Variants in USH2A observed in about 807,000 individuals in gnomAD.
USH2A encodes the protein usherin.
Under a neutral mutation model 538.9 loss-of-function variants are expected in USH2A, and 443 were observed. That is an observed-to-expected ratio of 0.82 (90% confidence interval 0.76 to 0.89). The LOEUF (loss-of-function observed/expected upper bound fraction) is 0.89, where lower values mean the gene tolerates loss of function less well. Among genes scored for constraint, USH2A ranks in the 40% least tolerant of loss-of-function variants. The pLI, the probability that USH2A is intolerant of heterozygous loss-of-function variation, is 0.00. For missense variants in USH2A, 6,633 were observed against 6,324.8 expected (o/e 1.05, Z -1.65); for synonymous variants, 2,413 against 2,273.5 (o/e 1.06, Z -1.75).
At chr1:215,741,642 C>A (rs1660308931) in intron 59 of USH2A, 105 bp from the exon 60 acceptor site, 1 of 1,247,804 alleles carries the variant, frequency 8.0e-7, no homozygotes. Context: ...TTTAACCTGT[C>A]CTTTTGCATA....
intron 21 of USH2A, among the ~76,000 whole-genome samples, chr1:216,132,838 A>G (rs2033405196): frequency 6.6e-6 from 1 of 152,068 alleles, no homozygotes; most frequent in African/African-American, 2.4e-5. Flanking sequence ...CCTATAATGA[A>G]AGCCTGCTCT....
Position 216,348,490 on chromosome 1 carries a change from T to C in USH2A, c.784+16463A>G, listed in dbSNP as rs993836890. ...AGAGTAAAGGAATTAACCCAACTCA[T>C]AGGTATTTGATTGTACAAACCCAGG... On this transcript the variant is annotated intron_variant, in intron 4 of 71. Coordinates refer to ENST00000307340, the MANE Select transcript of USH2A (RefSeq NM_206933.4). Among the ~76,000 whole-genome samples, 4 of 152,102 alleles carry C rather than the reference T, an allele frequency of 2.6e-5. No homozygotes were observed. The East Asian group carries it at 7.7e-4, about 29-fold the overall frequency.
chr1:216,125,185 T>C (rs1322507292), intron 21 of USH2A, among the ~76,000 whole-genome samples: 11 of 151,784 alleles, frequency 7.2e-5, no homozygotes, highest in Non-Finnish European at 2.9e-5. Flanking sequence ...TATATTTTTC[T>C]GAAGTTACTG....
intron 22 of USH2A, among the ~76,000 whole-genome samples, chr1:216,094,434 A>T (rs61445397): frequency 0.04 from 6,026 of 152,106 alleles, 419 homozygotes; most frequent in African/African-American, 0.14. Context: ...TCTCCTTCAA[A>T]TCTTACTAAT....
chr1:216,040,121 C>A (rs2030209431), intron 32 of USH2A, among the ~76,000 whole-genome samples: 1 of 151,340 alleles, frequency 6.6e-6, no homozygotes, highest in Non-Finnish European at 1.5e-5. Flanking sequence ...TTATCTATAT[C>A]TTACTGCCTC....
intron 11 of USH2A, among the ~76,000 whole-genome samples, chr1:216,288,595 C>G (rs150983135): frequency 6.6e-6 from 1 of 152,050 alleles, no homozygotes; most frequent in Non-Finnish European, 1.5e-5. Flanking sequence ...AAAATTAATA[C>G]AATCATTGAA....
chr1:216,380,640 C>T (rs1250017202), intron 3 of USH2A, among the ~76,000 whole-genome samples: 2 of 152,050 alleles, frequency 1.3e-5, no homozygotes, highest in African/African-American at 4.8e-5. Flanking sequence ...AACAGTACTG[C>T]TAGTTTAGTC....
At chr1:215,762,294 C>T (rs1661002209) in intron 56 of USH2A, among the ~76,000 whole-genome samples, 1 of 152,136 alleles carries the variant, frequency 6.6e-6, no homozygotes, top group African/African-American at 2.4e-5. Flanking sequence ...CTGCTTCCTG[C>T]AGTTATATCT....
At chr1:215,697,867 G>A (rs1658869831) in intron 61 of USH2A, among the ~76,000 whole-genome samples, 1 of 152,134 alleles carries the variant, frequency 6.6e-6, no homozygotes, top group African/African-American at 2.4e-5. Flanking sequence ...TGGGATACAT[G>A]TGCAGAACAT....
At chr1:216,398,723 C>G (rs2039259053) in intron 3 of USH2A, among the ~76,000 whole-genome samples, 1 of 152,148 alleles carries the variant, frequency 6.6e-6, no homozygotes, top group Admixed American at 6.5e-5. Flanking sequence ...AGGCAGCTAA[C>G]CTTCTATTCC....
intron 43 of USH2A, among the ~76,000 whole-genome samples, chr1:215,871,258 A>C (rs912967940): frequency 6.6e-6 from 1 of 152,204 alleles, no homozygotes; most frequent in East Asian, 1.9e-4. Context: ...TATGTGTTAA[A>C]ATCTTACTTG....
At chr1:215,644,640 G>A (rs1449006984) in intron 67 of USH2A, among the ~76,000 whole-genome samples, 2 of 152,182 alleles carry the variant, frequency 1.3e-5, no homozygotes, top group African/African-American at 2.4e-5. Context: ...AACATTGAAA[G>A]TTCAGTTGCG....
At position 216,189,203 on chromosome 1, in the gene USH2A, G is replaced by A. The variant is rs552144542; in HGVS notation, c.4396+1020C>T. 3.3e-5 allele frequency among the ~76,000 whole-genome samples: 5 copies of A among 151,532 alleles called. No homozygotes were observed. In the South Asian group the frequency reaches 1.1e-3, roughly 32 times the overall value. On this transcript the variant is annotated intron_variant, in intron 20 of 71. Coordinates refer to ENST00000307340, the MANE Select transcript of USH2A (RefSeq NM_206933.4). ...GAATTTCAGAGTTGTTTGCATTAAT[G>A]AAAATTTTGAAAAAAATAAATTACT...
chr1:216,100,162 C>A (rs150213492), intron 21 of USH2A, among the ~76,000 whole-genome samples: 1 of 152,108 alleles, frequency 6.6e-6, no homozygotes, highest in Non-Finnish European at 1.5e-5. Flanking sequence ...GAAAAACTTA[C>A]GGAGCTGGTA....
intron 4 of USH2A, among the ~76,000 whole-genome samples, chr1:216,333,454 C>A (rs1211858521): frequency 6.6e-6 from 1 of 151,974 alleles, no homozygotes; most frequent in Non-Finnish European, 1.5e-5. Flanking sequence ...ATTAACAAAG[C>A]CCCAGAAAGC....
At chr1:216,250,792 G>T in intron 12 of USH2A, 111 bp downstream of exon 12, 8 of 1,152,622 alleles carry the variant, frequency 6.9e-6, no homozygotes, top group East Asian at 2.6e-5. Context: ...TTTTTTTCCA[G>T]CCTGTCTTGA....
intron 70 of USH2A, among the ~76,000 whole-genome samples, chr1:215,630,482 G>GTATATATATA (rs1158726890): frequency 2.2e-4 from 5 of 22,550 alleles, no homozygotes; most frequent in South Asian, 1.2e-3. Flanking sequence ...ATGTGTGTGT[G>GTATATATATA]TATATATATA....
chr1:216,255,702 T>C (rs1452798467), intron 11 of USH2A, among the ~76,000 whole-genome samples: 1 of 152,176 alleles, frequency 6.6e-6, no homozygotes, highest in Non-Finnish European at 1.5e-5. Flanking sequence ...TGTAGTTTGC[T>C]GCTCTGTTGG....
chr1:215,912,479 A>ATATATG (rs1665821262), intron 38 of USH2A, among the ~76,000 whole-genome samples: 2 of 31,760 alleles, frequency 6.3e-5, no homozygotes, highest in Non-Finnish European at 1.1e-4. Flanking sequence ...ATATATACGT[A>ATATATG]TATATATATA....
Sources: allele counts gnomAD v4.1 joint callset (sites outside exome capture counted in the v4.1 genomes callset), GRCh38; gene constraint gnomAD v4.1.1; transcripts MANE v1.5; gene names NCBI Gene and HGNC (gene_info 2026-07-23, HGNC 2026-07-21).